Variants in UPK1A observed in about 807,000 individuals in gnomAD.
The protein encoded by UPK1A is uroplakin 1A.
A neutral mutation model predicts 32.3 loss-of-function variants in UPK1A; 31 were observed. That is an observed-to-expected ratio of 0.96 (90% CI 0.72 to 1.30). UPK1A has a LOEUF of 1.30. Among genes scored for constraint, UPK1A ranks in the 50% most tolerant of loss-of-function variants. The pLI is 0.00. For synonymous variants in UPK1A, 135 were observed against 137.1 expected (o/e 0.98, Z 0.11); for missense variants, 340 against 357.4 (o/e 0.95, Z 0.39).
exon 6 of UPK1A, chr19:35,675,942 T>C: frequency 1.2e-6 from 2 of 1,613,988 alleles, no homozygotes; most frequent in Non-Finnish European, 1.7e-6. Flanking sequence ...CCCACTGTGC[T>C]GTCGCCGGAC....
chr19:35,666,929 G>T (rs1318843025), intron 2 of UPK1A, 33 bp downstream of exon 2: 1 of 1,610,608 alleles, frequency 6.2e-7, no homozygotes, highest in Non-Finnish European at 8.5e-7. Context: ...GAGCCGAGTG[G>T]TTGTGTGGTG....
chr19:35,675,433 C>G (rs1231847642), intron 5 of UPK1A, among the ~76,000 whole-genome samples: 1 of 151,966 alleles, frequency 6.6e-6, no homozygotes, highest in Admixed American at 6.6e-5. Context: ...AGGCGCCCAC[C>G]ACCACACCCG....
intron 3 of UPK1A, among the ~76,000 whole-genome samples, chr19:35,671,458 C>CT (rs34302366): frequency 1.4e-3 from 111 of 79,698 alleles, no homozygotes; most frequent in Non-Finnish European, 1.8e-3. Flanking sequence ...CCCCAAATTT[C>CT]TTTTTTTTTT....
chr19:35,666,843 A>C (rs1346243943), exon 2 of UPK1A: 1 of 1,614,038 alleles, frequency 6.2e-7, no homozygotes, highest in South Asian at 1.1e-5. Context: ...GGAGGCCGAG[A>C]AGGGATCTCC....
chr19:35,671,025 T>C (rs1968086443), intron 3 of UPK1A, among the ~76,000 whole-genome samples: 1 of 151,914 alleles, frequency 6.6e-6, no homozygotes, highest in Non-Finnish European at 1.5e-5. Flanking sequence ...TCTTATTTTC[T>C]TATCCTGTAT....
intron 3 of UPK1A, among the ~76,000 whole-genome samples, chr19:35,672,064 C>T (rs181732950): frequency 6.6e-6 from 1 of 152,334 alleles, no homozygotes; most frequent in Admixed American, 6.5e-5. Context: ...CACACGCAAC[C>T]TCCTGCTGCT....
intron 3 of UPK1A, among the ~76,000 whole-genome samples, chr19:35,672,538 G>A (rs1261779838): frequency 1.3e-5 from 2 of 151,828 alleles, no homozygotes; most frequent in African/African-American, 4.8e-5. Flanking sequence ...AAAGTGTTGG[G>A]ATTACAGGCG....
chr19:35,669,943 T>C (rs1428444900), intron 3 of UPK1A, among the ~76,000 whole-genome samples: 2 of 152,160 alleles, frequency 1.3e-5, no homozygotes, highest in Non-Finnish European at 2.9e-5. Context: ...TGCTGAGCCC[T>C]ACGCTGGGCA....
At chr19:35,676,195 C>CTTTCTTTCT (rs781486173) in intron 6 of UPK1A, 176 bp downstream of exon 6, 9 of 589,660 alleles carry the variant, frequency 1.5e-5, no homozygotes, top group African/African-American at 1.5e-4. Context: ...TTCTTTCTTT[C>CTTTCTTTCT]TTTTTTTTTT....
At chr19:35,669,292 C>T (rs1209539694) in intron 3 of UPK1A, among the ~76,000 whole-genome samples, 1 of 152,072 alleles carries the variant, frequency 6.6e-6, no homozygotes, top group Non-Finnish European at 1.5e-5. Context: ...AGGCTGTGCT[C>T]TTAATCTCTG....
chr19:35,668,704 A>G (rs1284696285), intron 3 of UPK1A, 50 bp downstream of exon 3: 2 of 1,543,854 alleles, frequency 1.3e-6, no homozygotes, highest in Non-Finnish European at 1.7e-6. Flanking sequence ...GGAGTTCAGC[A>G]TCACTGAGTC....
At chr19:35,678,413 C>T (rs1022677195) in exon 8 of UPK1A, 10 of 186,212 alleles carry the variant, frequency 5.4e-5, no homozygotes, top group Admixed American at 4.5e-4. Flanking sequence ...ACTTTACTGT[C>T]CCCATCATCA....
chr19:35,676,025 G>T lies in UPK1A; in HGVS notation c.648+6G>T. ...TGGACTACCTGTTCACCAAGGTGTG[G>T]CCGTCTGCCCTGCTCCATCTGTCTA... is the stretch of plus-strand genomic sequence containing the variant. On this transcript the variant is annotated splice_donor_region_variant and intron_variant, in intron 6 of 7. Transcript: ENST00000617999. 6.2e-7 allele frequency: 1 copy of T among 1,611,092 alleles called. No homozygotes were observed. The highest frequency in any genetic ancestry group is 8.5e-7 in the Non-Finnish European group (1 of 1,178,714).
In UPK1A at chr19:35,669,948, T is replaced by C. The variant is rs186662906; in HGVS notation, c.285+1294T>C. On this transcript the variant is annotated intron_variant, in intron 3 of 7. Transcript: ENST00000617999. ...AGGAGCTACATGCTGAGCCCTACGC[T>C]GGGCACTGGGGCTCTGTGCTGAGCG... is the stretch of plus-strand genomic sequence containing the variant. 1.1e-3 allele frequency among the ~76,000 whole-genome samples: 169 copies of C among 152,244 alleles called. 1 individual carries two copies. Among genetic ancestry groups the C allele is most frequent in the Admixed American group, 8.4e-3 (128 of 15,272 alleles).
At chr19:35,668,991 G>A (rs1265863009) in intron 3 of UPK1A, among the ~76,000 whole-genome samples, 2 of 151,870 alleles carry the variant, frequency 1.3e-5, no homozygotes, top group South Asian at 4.2e-4. Context: ...ACCCAGTGCA[G>A]GGCTAGAATT....
chr19:35,676,662 GCTGAGGA>G (rs1968187371), intron 6 of UPK1A, among the ~76,000 whole-genome samples: 1 of 151,560 alleles, frequency 6.6e-6, no homozygotes, highest in Admixed American at 6.6e-5. Flanking sequence ...ACTTTGGGAG[GCTGAGGA>G]GGGCAGATCA....
intron 6 of UPK1A, chr19:35,676,325 G>T: frequency 1.9e-6 from 1 of 522,780 alleles, no homozygotes; most frequent in Non-Finnish European, 3.5e-6. Context: ...AGAGCAGCTG[G>T]GATTACAGGT....
exon 8 of UPK1A, chr19:35,678,047 AC>A (rs1968210829): frequency 6.5e-7 from 1 of 1,545,886 alleles, no homozygotes; most frequent in Admixed American, 1.9e-5. Context: ...CAACATACAC[AC>A]CCCGGACTCC....
chr19:35,666,838 C>G (rs61741212), exon 2 of UPK1A: 12 of 1,613,864 alleles, frequency 7.4e-6, no homozygotes, highest in Non-Finnish European at 1.0e-5. Flanking sequence ...GCAGCGGAGG[C>G]CGAGAAGGGA....
Sources: gnomAD v4.1 joint callset for allele counts (sites outside exome capture counted in the v4.1 genomes callset) on GRCh38, gnomAD v4.1.1 for gene constraint, MANE v1.5 for transcripts, NCBI Gene and HGNC (gene_info 2026-07-23, HGNC 2026-07-21) for gene names.